EXOC6B: variants seen among roughly 807,000 people sequenced by gnomAD.
The protein encoded by EXOC6B is SEC15 homolog B.
A neutral mutation model predicts 113.5 loss-of-function variants in EXOC6B; 54 were observed. The ratio of observed to expected loss-of-function variants is 0.48; its 90% confidence interval spans 0.38 to 0.60. EXOC6B has a LOEUF of 0.60. EXOC6B is among the 20% of genes least tolerant of loss of function. EXOC6B has a pLI of 0.00. For missense variants in EXOC6B, 797 were observed against 977.5 expected, an observed-to-expected ratio of 0.82 and a Z score of 2.46; for synonymous variants, 357 against 339.0, an observed-to-expected ratio of 1.05 and a Z score of -0.58.
chr2:72,228,968 T>G (rs1366021985), intron 20 of EXOC6B, among the ~76,000 whole-genome samples: 2 of 152,248 alleles, frequency 1.3e-5, no homozygotes, highest in African/African-American at 2.4e-5. Context: ...CTAATTGGTG[T>G]GAGATGGTAT....
chr2:72,811,596 A>G (rs190664027), intron 1 of EXOC6B, among the ~76,000 whole-genome samples: 315 of 152,346 alleles, frequency 2.1e-3, no homozygotes, highest in Non-Finnish European at 3.1e-3. Context: ...TATCAAAACC[A>G]GACATAAGAC....
intron 20 of EXOC6B, among the ~76,000 whole-genome samples, chr2:72,297,384 C>T (rs2104739136): frequency 6.6e-6 from 1 of 152,232 alleles, no homozygotes; most frequent in Non-Finnish European, 1.5e-5. Flanking sequence ...CTCACACGTT[C>T]CACCCTCAAG....
At chr2:72,640,719 C>T (rs1235784860) in intron 6 of EXOC6B, among the ~76,000 whole-genome samples, 1 of 152,006 alleles carries the variant, frequency 6.6e-6, no homozygotes, top group Non-Finnish European at 1.5e-5. Flanking sequence ...ATATTGGCCC[C>T]CAATATTGAA....
chr2:72,247,742 A>G (rs1465076395), intron 20 of EXOC6B, among the ~76,000 whole-genome samples: 2 of 152,170 alleles, frequency 1.3e-5, no homozygotes, highest in Non-Finnish European at 2.9e-5. Context: ...TTAGAATATG[A>G]TGATTGGTCC....
chr2:72,731,114 A>C, intron 4 of EXOC6B, 41 bp downstream of exon 4: 1 of 1,583,236 alleles, frequency 6.3e-7, no homozygotes, highest in Non-Finnish European at 8.6e-7. Flanking sequence ...AAGCAAAAAA[A>C]AAATTACACC....
intron 18 of EXOC6B, among the ~76,000 whole-genome samples, chr2:72,381,497 G>A (rs879374948): frequency 6.6e-5 from 10 of 152,010 alleles, no homozygotes; most frequent in Non-Finnish European, 1.3e-4. Context: ...CATATGTTAT[G>A]CTGGGCCAGG....
intron 6 of EXOC6B, among the ~76,000 whole-genome samples, chr2:72,688,296 G>C (rs1677231219): frequency 1.3e-5 from 2 of 152,160 alleles, no homozygotes; most frequent in Admixed American, 1.3e-4. Flanking sequence ...ATTTACTTAG[G>C]AGAGGACCCC....
At chr2:72,585,818 C>T (rs997886057) in intron 6 of EXOC6B, among the ~76,000 whole-genome samples, 2 of 151,970 alleles carry the variant, frequency 1.3e-5, no homozygotes, top group East Asian at 1.9e-4. Flanking sequence ...AACCTACCAA[C>T]CTAAAAAAAG....
intron 18 of EXOC6B, among the ~76,000 whole-genome samples, chr2:72,452,243 T>C (rs1300110863): frequency 2.0e-5 from 3 of 152,188 alleles, no homozygotes; most frequent in African/African-American, 7.2e-5. Context: ...CAAATAGTCA[T>C]CTGAGTTGGA....
intron 20 of EXOC6B, among the ~76,000 whole-genome samples, chr2:72,192,288 T>C (rs1190685504): frequency 6.6e-6 from 1 of 152,220 alleles, no homozygotes; most frequent in Non-Finnish European, 1.5e-5. Context: ...TTTGTAGCAA[T>C]GATACTGGCC....
intron 6 of EXOC6B, among the ~76,000 whole-genome samples, chr2:72,643,327 G>A (rs1474240426): frequency 7.5e-5 from 11 of 146,380 alleles, no homozygotes; most frequent in East Asian, 6.1e-4. Context: ...TGTTTATTGC[G>A]GCATTATTCA....
At chr2:72,802,767 G>T (rs996771560) in intron 1 of EXOC6B, among the ~76,000 whole-genome samples, 2 of 152,100 alleles carry the variant, frequency 1.3e-5, no homozygotes, top group African/African-American at 4.8e-5. Context: ...TATAGATACA[G>T]AAGAGAACAA....
intron 1 of EXOC6B, among the ~76,000 whole-genome samples, chr2:72,824,746 G>A (rs2105193003): frequency 6.6e-6 from 1 of 152,280 alleles, no homozygotes; most frequent in Middle Eastern, 3.4e-3. Flanking sequence ...GGATGAGTTG[G>A]TTCTAGGACA....
intron 20 of EXOC6B, among the ~76,000 whole-genome samples, chr2:72,225,459 T>G (rs570942789): frequency 6.6e-6 from 1 of 152,220 alleles, no homozygotes; most frequent in Admixed American, 6.5e-5. Flanking sequence ...AAAATCATTA[T>G]TGGAATGAGA....
chr2:72,265,823 C>T lies in EXOC6B; in HGVS notation c.2196+69124G>A, dbSNP rs535449958. ...TTCTAGTTTTAGATCCCTGAGGAAT[C>T]ACCACACTGTCTTCCACAATGGTTG... On this transcript the variant is annotated intron_variant, in intron 20 of 21. Coordinates refer to ENST00000272427, the MANE Select transcript of EXOC6B (RefSeq NM_015189.3). 1.9e-3 allele frequency among the ~76,000 whole-genome samples: 284 copies of T among 152,290 alleles called. 1 individual carries two copies. The highest frequency in any genetic ancestry group is 6.3e-3 in the African/African-American group (261 of 41,548).
chr2:72,250,066 T>G (rs770032984), intron 20 of EXOC6B, among the ~76,000 whole-genome samples: 81 of 152,232 alleles, frequency 5.3e-4, no homozygotes, highest in Non-Finnish European at 1.0e-3. Flanking sequence ...AGCGACTGAA[T>G]AAATGAATGC....
intron 6 of EXOC6B, among the ~76,000 whole-genome samples, chr2:72,605,379 G>A (rs1670694260): frequency 6.6e-6 from 1 of 151,654 alleles, no homozygotes; most frequent in Non-Finnish European, 1.5e-5. Context: ...CACTTAAACA[G>A]TTTACCATGG....
At chr2:72,799,196 C>T (rs1685145034) in intron 1 of EXOC6B, among the ~76,000 whole-genome samples, 1 of 140,868 alleles carries the variant, frequency 7.1e-6, no homozygotes, top group African/African-American at 2.6e-5. Flanking sequence ...GCCAAGATCT[C>T]ACCACTGCAC....
chr2:72,700,540 T>C (rs1573646538), intron 6 of EXOC6B, among the ~76,000 whole-genome samples: 1 of 152,236 alleles, frequency 6.6e-6, no homozygotes, highest in Non-Finnish European at 1.5e-5. Flanking sequence ...GGGGTCGAAA[T>C]TGTATGTTTA....
Sources: allele counts gnomAD v4.1 joint callset (sites outside exome capture counted in the v4.1 genomes callset), GRCh38; gene constraint gnomAD v4.1.1; transcripts MANE v1.5; gene names NCBI Gene and HGNC (gene_info 2026-07-23, HGNC 2026-07-21).